RNF150: variants seen among roughly 807,000 people sequenced by gnomAD.
The protein encoded by RNF150 is ring finger protein 150.
In RNF150, 24 loss-of-function variants were observed where a neutral mutation model predicts 39.3. The observed-to-expected ratio is 0.61, with a 90% CI of 0.44 to 0.86. The LOEUF (loss-of-function observed/expected upper bound fraction) is 0.86. RNF150 is among the 40% of genes least tolerant of loss of function. The pLI is 0.00. For missense variants in RNF150, 502 were observed against 587.8 expected, an observed-to-expected ratio of 0.85 and a Z score of 1.51; for synonymous variants, 255 against 227.3, an observed-to-expected ratio of 1.12 and a Z score of -1.10.
At chr4:140,900,987 G>C (rs1414387932) in intron 6 of RNF150, among the ~76,000 whole-genome samples, 2 of 152,122 alleles carry the variant, frequency 1.3e-5, no homozygotes, top group African/African-American at 4.8e-5. Context: ...GTCCAGATCT[G>C]TCTGACTCCA....
At chr4:141,080,503 A>G (rs548283053) in intron 1 of RNF150, among the ~76,000 whole-genome samples, 1 of 152,270 alleles carries the variant, frequency 6.6e-6, no homozygotes, top group South Asian at 2.1e-4. Context: ...CATGTCTTCT[A>G]ATTTCTTAAT....
Position 140,911,254 on chromosome 4 carries a change from T to C in RNF150, c.1088A>G (p.Asn363Ser). 6.2e-7 allele frequency: 1 copy of C among 1,614,068 alleles called. No homozygotes were observed. The highest frequency in any genetic ancestry group is 8.5e-7 in the Non-Finnish European group (1 of 1,179,944). The change falls in exon 6 of 7, where the codon AAT becomes AGT. Residue 363 changes from asparagine to serine, a missense_variant. Coordinates refer to ENST00000515673, the MANE Select transcript of RNF150 (RefSeq NM_020724.2). The part of the protein sequence containing the change: ...QITGASDTTV[N>S]ESSVTLDPAV... Reference sequence around the variant, plus strand: ...AGGGTCCAAAGTGACTGAACTTTCATTCACTGTTGTGTCGCTGGCACCTGT... The same window carrying C: ...AGGGTCCAAAGTGACTGAACTTTCACTCACTGTTGTGTCGCTGGCACCTGT...
rs1728102981 is a variant in RNF150 at position 141,191,023 on chromosome 4, C to T, written c.-6+21771G>A. Among the ~76,000 whole-genome samples, 4 of 152,300 alleles carry T rather than the reference C, an allele frequency of 2.6e-5. No homozygotes were observed. In the South Asian group the frequency reaches 8.3e-4, roughly 32 times the overall value. ...TCAACACTGTGTACCTTCCCCACTC[C>T]ACTTCACAAGTTAGCATGGTAAGGA... On this transcript the variant is annotated intron_variant, in intron 1 of 7. Coordinates refer to the RNF150 transcript ENST00000420921.
chr4:141,183,454 G>A (rs1263224516), intron 1 of RNF150, among the ~76,000 whole-genome samples: 2 of 152,120 alleles, frequency 1.3e-5, no homozygotes, highest in African/African-American at 4.8e-5. Flanking sequence ...GCAAAAGTGA[G>A]AGAATTTTGC....
At chr4:140,987,047 AG>A (rs1454111257) in intron 1 of RNF150, among the ~76,000 whole-genome samples, 1 of 151,994 alleles carries the variant, frequency 6.6e-6, no homozygotes, top group Non-Finnish European at 1.5e-5. Flanking sequence ...AAAATATCTA[AG>A]GATACATCTG....
chr4:141,067,288 T>A (rs1174975176), intron 1 of RNF150, among the ~76,000 whole-genome samples: 1 of 152,190 alleles, frequency 6.6e-6, no homozygotes, highest in African/African-American at 2.4e-5. Flanking sequence ...TGTGAAATCA[T>A]CCTTAAGCTA....
chr4:140,988,001 C>T (rs1221616811), intron 1 of RNF150, among the ~76,000 whole-genome samples: 7 of 150,400 alleles, frequency 4.7e-5, no homozygotes, highest in Middle Eastern at 3.4e-3. Context: ...AACATGAAAA[C>T]ATGCTCATCA....
chr4:140,921,175 T>TATAATA (rs58434636), intron 5 of RNF150, among the ~76,000 whole-genome samples: 24 of 148,184 alleles, frequency 1.6e-4, no homozygotes, highest in South Asian at 4.3e-4. Flanking sequence ...AAACTTAAAG[T>TATAATA]ATAATAATAA....
chr4:140,900,413 G>A (rs1166004265), intron 6 of RNF150, among the ~76,000 whole-genome samples: 1 of 151,984 alleles, frequency 6.6e-6, no homozygotes, highest in East Asian at 1.9e-4. Context: ...AAGGTTGTAA[G>A]GACATTCATA....
intron 1 of RNF150, among the ~76,000 whole-genome samples, chr4:140,992,455 G>T (rs1364483579): frequency 2.0e-5 from 3 of 152,130 alleles, no homozygotes; most frequent in African/African-American, 7.2e-5. Context: ...ACAGAATGTT[G>T]AACAGTACTG....
chr4:141,030,762 A>C (rs547380808), intron 1 of RNF150, among the ~76,000 whole-genome samples: 1 of 151,682 alleles, frequency 6.6e-6, no homozygotes, highest in East Asian at 1.9e-4. Context: ...AAGTAGTCAA[A>C]TTTATAGAAA....
intron 1 of RNF150, among the ~76,000 whole-genome samples, chr4:141,113,990 C>T (rs1189614314): frequency 2.6e-5 from 4 of 152,124 alleles, no homozygotes; most frequent in Non-Finnish European, 5.9e-5. Context: ...ATCAGAATCT[C>T]CAGGGCACAG....
chr4:140,879,943 C>A (rs984229318), intron 6 of RNF150, among the ~76,000 whole-genome samples: 1 of 152,118 alleles, frequency 6.6e-6, no homozygotes, highest in East Asian at 1.9e-4. Context: ...ATTTTGTGAA[C>A]AGAGATAATT....
Position 141,185,073 on chromosome 4 carries a change from A to G in RNF150, c.-6+27721T>C, listed in dbSNP as rs931592177. 7.2e-5 allele frequency among the ~76,000 whole-genome samples: 11 copies of G among 152,042 alleles called. No individual in the cohort carries two copies. The East Asian group carries it at 2.1e-3, about 29-fold the overall frequency. On this transcript the variant is annotated intron_variant, in intron 1 of 7. Coordinates refer to the RNF150 transcript ENST00000420921. ...TTTTCTAGTTCTGTGAAGAAAGTCA[A>G]TGGTAGCTTAATGAGAATAGCATTG...
intron 1 of RNF150, among the ~76,000 whole-genome samples, chr4:141,121,600 G>A (rs1193282781): frequency 6.6e-6 from 1 of 152,124 alleles, no homozygotes; most frequent in African/African-American, 2.4e-5. Context: ...ATTCTTGACT[G>A]TTTTACAGAA....
At chr4:141,145,283 C>T (rs1727180946) in intron 1 of RNF150, among the ~76,000 whole-genome samples, 1 of 152,082 alleles carries the variant, frequency 6.6e-6, no homozygotes, top group Non-Finnish European at 1.5e-5. Context: ...AGAAAATGAA[C>T]ATTGACCTAT....
In RNF150 at chr4:141,109,488, C is replaced by T. The variant is rs111929356; in HGVS notation, c.484+22837G>A. Among the ~76,000 whole-genome samples the T allele has an allele frequency of 4.8e-3, 736 of 151,970 alleles. 6 individuals carry two copies. The highest frequency in any genetic ancestry group is 0.014 in the Middle Eastern group (4 of 294). Reference sequence around the variant, plus strand: ...CTTGGTAAAAAAAATATGATAAATGCTTTTAGACAACTACAGACAAAAAAG... The same window carrying T: ...CTTGGTAAAAAAAATATGATAAATGTTTTTAGACAACTACAGACAAAAAAG... On this transcript the variant is annotated intron_variant, in intron 1 of 6. Transcript: ENST00000515673.
intron 1 of RNF150, among the ~76,000 whole-genome samples, chr4:141,125,395 A>G (rs1302109483): frequency 6.6e-6 from 1 of 152,214 alleles, no homozygotes; most frequent in Non-Finnish European, 1.5e-5. Flanking sequence ...TAATCTGCAT[A>G]GGATTTGAAT....
At chr4:141,105,524 C>G (rs1356561532) in intron 1 of RNF150, among the ~76,000 whole-genome samples, 5 of 152,170 alleles carry the variant, frequency 3.3e-5, no homozygotes, top group Admixed American at 3.3e-4. Flanking sequence ...AATGCTCTCC[C>G]CTGCCCAGGT....
Sources: gnomAD v4.1 joint callset for allele counts (sites outside exome capture counted in the v4.1 genomes callset) on GRCh38, gnomAD v4.1.1 for gene constraint, MANE v1.5 for transcripts, NCBI Gene and HGNC (gene_info 2026-07-23, HGNC 2026-07-21) for gene names.